The following GRIK3 variants were observed in gnomAD, a reference collection of about 807,000 sequenced individuals.
The protein encoded by GRIK3 is glutamate ionotropic receptor kainate type subunit 3.
A neutral mutation model predicts 102.5 loss-of-function variants in GRIK3; 29 were observed. The observed-to-expected ratio is 0.28, with a 90% CI of 0.21 to 0.39. The LOEUF is 0.39. Among genes scored for constraint, GRIK3 ranks in the 10% least tolerant of loss-of-function variants. The pLI is 1.00. For missense variants in GRIK3, 908 were observed against 1,252.4 expected (o/e 0.73, Z 4.15); for synonymous variants, 511 against 504.9 (o/e 1.01, Z -0.16).
At chr1:36,903,338 C>T (rs1023507708) in intron 1 of GRIK3, among the ~76,000 whole-genome samples, 1 of 152,202 alleles carries the variant, frequency 6.6e-6, no homozygotes. Context: ...GGCAAGGATG[C>T]GGGGCAACAG....
chr1:36,989,782 T>C (rs1051090690), intron 1 of GRIK3, among the ~76,000 whole-genome samples: 15 of 152,052 alleles, frequency 9.9e-5, no homozygotes, highest in Non-Finnish European at 1.8e-4. Flanking sequence ...CCAACCACAA[T>C]CTCAGCCTGA....
At chr1:36,909,674 C>T (rs79168976) in intron 1 of GRIK3, among the ~76,000 whole-genome samples, 2,392 of 152,148 alleles carry the variant, frequency 0.016, 26 homozygotes, top group South Asian at 0.038. Flanking sequence ...CTTGATGTCA[C>T]AGCTTCTGAG....
At chr1:36,923,610 G>A (rs1641496911) in intron 1 of GRIK3, among the ~76,000 whole-genome samples, 1 of 152,156 alleles carries the variant, frequency 6.6e-6, no homozygotes, top group Non-Finnish European at 1.5e-5. Flanking sequence ...TGACTTCCTG[G>A]CAGGGCCTCA....
intron 1 of GRIK3, among the ~76,000 whole-genome samples, chr1:36,996,873 T>C (rs1442893816): frequency 2.6e-5 from 4 of 152,172 alleles, no homozygotes; most frequent in Non-Finnish European, 5.9e-5. Context: ...GATGATTCCA[T>C]CTCCCCAAGG....
At chr1:36,980,659 CG>C (rs1642239994) in intron 1 of GRIK3, among the ~76,000 whole-genome samples, 1 of 151,980 alleles carries the variant, frequency 6.6e-6, no homozygotes, top group South Asian at 2.1e-4. Context: ...CCCAGGGTCC[CG>C]CAAGGTCTGG....
At chr1:36,971,005 C>T (rs1642134384) in intron 1 of GRIK3, among the ~76,000 whole-genome samples, 1 of 152,214 alleles carries the variant, frequency 6.6e-6, no homozygotes. Context: ...CTGTGAGACA[C>T]CACCAGCCAG....
At chr1:36,852,210 G>A (rs1005086913) in intron 8 of GRIK3, among the ~76,000 whole-genome samples, 7 of 152,180 alleles carry the variant, frequency 4.6e-5, no homozygotes, top group African/African-American at 1.7e-4. Flanking sequence ...CAGAGTAATA[G>A]GGAGGCTTCC....
chr1:36,807,300 C>A (rs1420751442), intron 13 of GRIK3, among the ~76,000 whole-genome samples: 1 of 152,018 alleles, frequency 6.6e-6, no homozygotes, highest in Non-Finnish European at 1.5e-5. Context: ...ACTGTGCAGA[C>A]CAGGGTGCAC....
intron 1 of GRIK3, among the ~76,000 whole-genome samples, chr1:36,989,074 C>T (rs1642336665): frequency 6.6e-6 from 1 of 152,134 alleles, no homozygotes; most frequent in South Asian, 2.1e-4. Flanking sequence ...ACACACCTCC[C>T]TCCCTGCACA....
intron 4 of GRIK3, among the ~76,000 whole-genome samples, chr1:36,871,369 G>C (rs909719152): frequency 6.6e-6 from 1 of 152,196 alleles, no homozygotes; most frequent in Non-Finnish European, 1.5e-5. Context: ...CCGGCTCAGC[G>C]TGTCTCCTCC....
intron 1 of GRIK3, among the ~76,000 whole-genome samples, chr1:37,020,832 A>G (rs1642702743): frequency 6.6e-6 from 1 of 152,064 alleles, no homozygotes; most frequent in South Asian, 2.1e-4. Context: ...CAGCATGCAG[A>G]TGGCGCCACC....
At chr1:36,863,421 C>G (rs1205274735) in intron 5 of GRIK3, among the ~76,000 whole-genome samples, 1 of 152,148 alleles carries the variant, frequency 6.6e-6, no homozygotes, top group Non-Finnish European at 1.5e-5. Context: ...GGTACAAATT[C>G]CTTAGTACAG....
intron 1 of GRIK3, among the ~76,000 whole-genome samples, chr1:37,028,452 G>T (rs925006710): frequency 6.6e-6 from 1 of 152,142 alleles, no homozygotes; most frequent in Non-Finnish European, 1.5e-5. Flanking sequence ...TTGGTAGGAA[G>T]GCTGGGAAAG....
chr1:36,940,715 G>T (rs956124470), intron 1 of GRIK3, among the ~76,000 whole-genome samples: 21 of 152,304 alleles, frequency 1.4e-4, no homozygotes, highest in African/African-American at 5.1e-4. Flanking sequence ...TCCCACTTCT[G>T]ATACCCTAAG....
At chr1:36,882,531 C>T (rs1276596376) in intron 2 of GRIK3, among the ~76,000 whole-genome samples, 1 of 152,208 alleles carries the variant, frequency 6.6e-6, no homozygotes, top group African/African-American at 2.4e-5. Context: ...TTCCTTGGGG[C>T]TTCACCCCTC....
intron 10 of GRIK3, among the ~76,000 whole-genome samples, chr1:36,828,086 A>C (rs1351071105): frequency 1.3e-5 from 2 of 151,570 alleles, no homozygotes; most frequent in Non-Finnish European, 2.9e-5. Flanking sequence ...AAAAAAAAAA[A>C]AACTCTCAGG....
chr1:37,033,895 A>G, intron 1 of GRIK3, 99 bp downstream of exon 1: 1 of 617,618 alleles, frequency 1.6e-6, no homozygotes, highest in Non-Finnish European at 2.8e-6. Context: ...AGCAGCTCGG[A>G]GAGAGGTTAG....
intron 1 of GRIK3, among the ~76,000 whole-genome samples, chr1:37,018,034 CT>C (rs1250012831): frequency 1.3e-5 from 2 of 152,218 alleles, no homozygotes; most frequent in Non-Finnish European, 2.9e-5. Flanking sequence ...GATTGCCTCA[CT>C]TCTCCTTACC....
intron 1 of GRIK3, among the ~76,000 whole-genome samples, chr1:36,964,037 G>A (rs181836923): frequency 4.9e-4 from 75 of 152,346 alleles, no homozygotes; most frequent in Non-Finnish European, 6.0e-4. Flanking sequence ...CTGTACCACC[G>A]TGGTCATGAA....
Sources: gnomAD v4.1 joint callset for allele counts (sites outside exome capture counted in the v4.1 genomes callset) on GRCh38, gnomAD v4.1.1 for gene constraint, MANE v1.5 for transcripts, NCBI Gene and HGNC (gene_info 2026-07-23, HGNC 2026-07-21) for gene names.